Variants in NOMO3 observed in about 807,000 individuals in gnomAD.
NOMO3 encodes the protein NODAL modulator 3, also known as BOS complex subunit NOMO3.
In NOMO3, 15 loss-of-function variants were observed where a neutral mutation model predicts 69.9. The observed-to-expected ratio is 0.21, with a 90% CI of 0.14 to 0.33. The LOEUF (loss-of-function observed/expected upper bound fraction) is 0.33, where lower values mean the gene tolerates loss of function less well. Ranked by LOEUF, NOMO3 falls within the 10% of genes least tolerant of loss-of-function variation. The pLI is 1.00. For synonymous variants in NOMO3, 89 were observed against 301.9 expected (o/e 0.29, Z 7.31); for missense variants, 218 against 761.0 (o/e 0.29, Z 8.39).
In NOMO3 at chr16:16,266,213, G is replaced by C. The variant is rs1462601370; in HGVS notation, c.1807-831G>C. On this transcript the variant is annotated intron_variant, in intron 15 of 30. Transcript: ENST00000399336. ...CTCTGTAGAGAAACTAGAAGAATTGGAACTGGTGTTTCATGTGCCAACTTA... is the reference window on the plus strand; with the variant it reads ...CTCTGTAGAGAAACTAGAAGAATTGCAACTGGTGTTTCATGTGCCAACTTA... Among the ~76,000 whole-genome samples, 2 of 136,190 alleles carry C rather than the reference G, an allele frequency of 1.5e-5. 1 individual carries two copies. Among genetic ancestry groups the C allele is most frequent in the East Asian group, 5.0e-4 (2 of 3,976 alleles). 89.3% of individuals were successfully genotyped at this position (136,190 alleles called of 152,430 possible). A position where few individuals can be genotyped will look rare whatever the true frequency, so the allele number is the denominator to read the frequency against.
At chr16:16,263,437 A>G (rs1382735787) in intron 13 of NOMO3, 76 bp from the exon 14 acceptor site, 3 of 686,808 alleles carry the variant, frequency 4.4e-6, no homozygotes. Flanking sequence ...AGAAGCTATT[A>G]CATAGGGTTA....
intron 16 of NOMO3, among the ~76,000 whole-genome samples, chr16:16,269,373 A>G (rs423168): frequency 5.3e-4 from 75 of 142,616 alleles, no homozygotes; most frequent in African/African-American, 1.2e-3. Context: ...CCAGGAAGAG[A>G]TGCTCTGTCG....
chr16:16,263,385 G>A lies in NOMO3; in HGVS notation c.1538-128G>A, dbSNP rs1373546897. 1.5e-5 allele frequency: 23 copies of A among 1,559,094 alleles called. 5 individuals are homozygous for A. In the African/African-American group the frequency reaches 2.1e-4, roughly 14 times the overall value. On this transcript the variant is annotated intron_variant, in intron 13 of 30. Transcript: ENST00000399336. ...CATGTTAACTTGAAAGAAGCGCTCC[G>A]TCTGCCTCCGGCCACTGCCTCTTAG...
chr16:16,243,881 C>T lies in NOMO3; in HGVS notation c.402+620C>T, dbSNP rs1226145469. The stretch of plus-strand genomic sequence containing the variant: ...ACAGGGATGCCGAATTGGAAGGACA[C>T]ACTCTCTAAGCCTTGTGGCATCTTG... On this transcript the variant is annotated intron_variant, in intron 4 of 30. Transcript: ENST00000399336. 4.2e-5 allele frequency among the ~76,000 whole-genome samples: 6 copies of T among 144,498 alleles called. 1 individual carries two copies. Among genetic ancestry groups the T allele is most frequent in the Non-Finnish European group, 8.9e-5 (6 of 67,490 alleles). The allele number at this position is 144,498 out of a possible 152,430, so 94.8% of individuals were successfully genotyped here.
intron 3 of NOMO3, among the ~76,000 whole-genome samples, chr16:16,240,490 G>T (rs953348527): frequency 5.5e-5 from 8 of 145,564 alleles, no homozygotes; most frequent in Non-Finnish European, 5.9e-5. Context: ...GTTCAGAGGG[G>T]CTGGCACGTA....
chr16:16,263,807 T>C (rs2049586578), intron 14 of NOMO3, among the ~76,000 whole-genome samples, 163 bp downstream of exon 14: 1 of 44,106 alleles, frequency 2.3e-5, no homozygotes, highest in Non-Finnish European at 4.5e-5. Flanking sequence ...TGGACAAGCA[T>C]GGAGGAGTCC....
intron 3 of NOMO3, among the ~76,000 whole-genome samples, chr16:16,240,704 C>T (rs1211313078): frequency 7.0e-6 from 1 of 143,194 alleles, no homozygotes; most frequent in Non-Finnish European, 1.5e-5. Context: ...TGTGGGTGAC[C>T]CCAGTCCATG....
intron 13 of NOMO3, 111 bp from the exon 14 acceptor site, chr16:16,263,402 G>A: frequency 6.6e-7 from 1 of 1,523,784 alleles, no homozygotes; most frequent in Non-Finnish European, 8.8e-7. Context: ...TCCGGCCACT[G>A]CCTCTTAGGA....
intron 5 of NOMO3, among the ~76,000 whole-genome samples, chr16:16,246,477 C>G (rs1283226679): frequency 7.5e-6 from 1 of 133,118 alleles, no homozygotes; most frequent in Non-Finnish European, 1.5e-5. Context: ...TTCTGAATAC[C>G]TTTCATCTGC....
At chr16:16,255,193 G>A (rs1331400865) in intron 9 of NOMO3, among the ~76,000 whole-genome samples, 1 of 141,572 alleles carries the variant, frequency 7.1e-6, no homozygotes, top group Non-Finnish European at 1.5e-5. Flanking sequence ...GATTACAGGC[G>A]TGAACCACTG....
intron 16 of NOMO3, 188 bp downstream of exon 16, chr16:16,267,319 C>A: frequency 1.8e-6 from 1 of 568,972 alleles, no homozygotes. Context: ...GGCCCTTTCA[C>A]CTCCAAAAAT....
Position 16,232,681 on chromosome 16 carries a change from G to A in NOMO3, c.15G>A (p.Gln5=), listed in dbSNP as rs936063009. ...GAGGTCGGGCCATGCTGGTGGGCCA[G>A]GGCGCGGGGCCGCTGGGGCCCGCGG... The part of the protein sequence containing the change: MLVG[Q]GAGPLGPAVV... Residue 5 remains glutamine, a synonymous_variant, in exon 1 of 31, where the codon CAG becomes CAA. Coordinates refer to ENST00000399336, the MANE Select transcript of NOMO3 (RefSeq NM_001004067.4). 1.1e-6 allele frequency: 1 copy of A among 869,724 alleles called. No individual in the cohort carries two copies. The highest frequency in any genetic ancestry group is 1.5e-6 in the Non-Finnish European group (1 of 671,602). 53.9% of individuals were successfully genotyped at this position (869,724 alleles called of 1,614,324 possible).
intron 15 of NOMO3, among the ~76,000 whole-genome samples, chr16:16,265,491 A>G (rs867285079): frequency 7.6e-4 from 100 of 131,126 alleles, no homozygotes; most frequent in South Asian, 2.7e-3. Flanking sequence ...GGGTAAATTC[A>G]TTTACTGCTT....
Position 16,232,733 on chromosome 16 carries a change from C to T in NOMO3, c.67C>T (p.Leu23=). 2.7e-6 allele frequency: 2 copies of T among 738,764 alleles called. No individual in the cohort carries two copies. The highest frequency in any genetic ancestry group is 3.6e-6 in the Non-Finnish European group (2 of 552,430). The allele number at this position is 738,764 out of a possible 1,614,324, so 45.8% of individuals were successfully genotyped here. A position where few individuals can be genotyped will look rare whatever the true frequency, so the allele number is the denominator to read the frequency against. ...GGTCACCGCCGCGGTGGTGCTGCTGCTGAGCGGCGTGGGGCCGGCGCACGG... is the reference window on the plus strand; with the variant it reads ...GGTCACCGCCGCGGTGGTGCTGCTGTTGAGCGGCGTGGGGCCGGCGCACGG... ...AVVTAAVVLL[L]SGVGPAHGSE... Residue 23 remains leucine, a synonymous_variant, in exon 1 of 31, where the codon CTG becomes TTG. Transcript: ENST00000399336.
At chr16:16,235,683 A>AT (rs977129443) in intron 1 of NOMO3, among the ~76,000 whole-genome samples, 1 of 143,854 alleles carries the variant, frequency 7.0e-6, no homozygotes, top group Non-Finnish European at 1.5e-5. Flanking sequence ...TGCCTAGCTA[A>AT]TTTTTTTTCT....
rs369130748 is a variant in NOMO3, at chr16:16,255,691, C to T, written c.964-29C>T. The T allele has an allele frequency of 3.2e-4, 517 of 1,593,016 alleles. 22 individuals carry two copies. The highest frequency in any genetic ancestry group is 3.9e-4 in the Non-Finnish European group (454 of 1,178,006). On this transcript the variant is annotated intron_variant, in intron 9 of 30. Coordinates refer to ENST00000399336, the MANE Select transcript of NOMO3 (RefSeq NM_001004067.4). The stretch of plus-strand genomic sequence containing the variant: ...TGTGGCTCTGGCACAGGAGCACCTT[C>T]GAGCACCTTCTTGTTCTTTGTTTTC...
intron 20 of NOMO3, among the ~76,000 whole-genome samples, chr16:16,274,289 G>GGATA (rs2049679829): frequency 7.8e-6 from 1 of 128,470 alleles, no homozygotes; most frequent in South Asian, 2.7e-4. Flanking sequence ...ATGGATGGAT[G>GGATA]GATGGATGGA....
At chr16:16,237,076 G>C (rs1459723641) in intron 2 of NOMO3, 86 bp downstream of exon 2, 1 of 1,571,814 alleles carries the variant, frequency 6.4e-7, no homozygotes, top group African/African-American at 1.6e-5. Flanking sequence ...TCCTACACTA[G>C]CAAATGCTCA....
chr16:16,233,522 T>TTTTA (rs1555524864), intron 1 of NOMO3, among the ~76,000 whole-genome samples: 1 of 114,916 alleles, frequency 8.7e-6, no homozygotes, highest in African/African-American at 3.2e-5. Flanking sequence ...TTTTTTTTTT[T>TTTTA]AATTAAGTTG....
Sources: gnomAD v4.1 joint callset for allele counts (sites outside exome capture counted in the v4.1 genomes callset) on GRCh38, gnomAD v4.1.1 for gene constraint, MANE v1.5 for transcripts, NCBI Gene and HGNC (gene_info 2026-07-23, HGNC 2026-07-21) for gene names.